Variants in WRAP73 observed in about 807,000 individuals in gnomAD.
WRAP73 encodes the protein WD repeat-containing protein WRAP73.
In WRAP73, 55 loss-of-function variants were observed where a neutral mutation model predicts 59.6. That is an observed-to-expected ratio of 0.92 (90% CI 0.74 to 1.15). The LOEUF is 1.15. WRAP73 is among the 50% of genes most tolerant of loss of function. The pLI is 0.00. For missense variants in WRAP73, 592 were observed against 608.1 expected (o/e 0.97, Z 0.28); for synonymous variants, 265 against 258.2 (o/e 1.03, Z -0.25).
intron 1 of WRAP73, among the ~76,000 whole-genome samples, chr1:3,648,935 A>T (rs931018275): frequency 2.6e-5 from 4 of 152,216 alleles, no homozygotes; most frequent in African/African-American, 9.7e-5. Context: ...GAGGTAAAAA[A>T]CGTAATTTGA....
At position 3,646,132 on chromosome 1, in the gene WRAP73, C is replaced by T. The variant is rs1023384291; in HGVS notation, c.339+534G>A. Among the ~76,000 whole-genome samples, 1 of 152,212 alleles carries T rather than the reference C, an allele frequency of 6.6e-6. No individual in the cohort carries two copies. The highest frequency in any genetic ancestry group is 1.5e-5 in the Non-Finnish European group (1 of 68,030). The stretch of plus-strand genomic sequence containing the variant: ...CAACCCCGCCAATCTACCAGCCACT[C>T]GGGAGCCACCTCAGTCATCAGACCC... On this transcript the variant is annotated intron_variant, in intron 3 of 11. Transcript: ENST00000270708. The surrounding 1 kb of genome is among the most constrained non-coding windows in gnomAD (Gnocchi z 5.1).
chr1:3,646,113 C>T lies in WRAP73; in HGVS notation c.339+553G>A, dbSNP rs573613564. Reference sequence around the variant, plus strand: ...TACGCTCCCCGGCTCCCTCCAACCCCGCCAATCTACCAGCCACTCGGGAGC... The same window carrying T: ...TACGCTCCCCGGCTCCCTCCAACCCTGCCAATCTACCAGCCACTCGGGAGC... On this transcript the variant is annotated intron_variant, in intron 3 of 11. Coordinates refer to ENST00000270708, the MANE Select transcript of WRAP73 (RefSeq NM_017818.4). The surrounding 1 kb of genome is among the most constrained non-coding windows in gnomAD (Gnocchi z 5.1). Among the ~76,000 whole-genome samples the T allele has an allele frequency of 6.6e-6, 1 of 152,352 alleles. No individual in the cohort carries two copies. The highest frequency in any genetic ancestry group is 6.5e-5 in the Admixed American group (1 of 15,312).
intron 4 of WRAP73, 53 bp downstream of exon 4, chr1:3,638,697 A>C (rs901008537): frequency 6.2e-7 from 1 of 1,607,734 alleles, no homozygotes; most frequent in Non-Finnish European, 8.5e-7. Flanking sequence ...CCCGTGACAA[A>C]AAAGTCAAAC....
chr1:3,637,216 A>G, intron 4 of WRAP73, 118 bp from the exon 5 acceptor site: 2 of 864,736 alleles, frequency 2.3e-6, no homozygotes, highest in Non-Finnish European at 3.6e-6. Flanking sequence ...AAGAAGGGAA[A>G]TGGCACAATG....
chr1:3,631,301 A>G lies in WRAP73; in HGVS notation c.1240+165T>C. On this transcript the variant is annotated intron_variant, in intron 11 of 11. Transcript: ENST00000270708. Reference sequence around the variant, plus strand: ...GCTTCTAGCCCATAAAGCTGAGGGCAGCGGGTCCCCTGTGTGTCCGTCTTG... The same window carrying G: ...GCTTCTAGCCCATAAAGCTGAGGGCGGCGGGTCCCCTGTGTGTCCGTCTTG... 3.9e-6 allele frequency: 5 copies of G among 1,296,876 alleles called. No homozygotes were observed. The South Asian group carries it at 7.2e-5, about 19-fold the overall frequency. The allele number at this position is 1,296,876 out of a possible 1,614,324, so 80.3% of individuals were successfully genotyped here. A position where few individuals can be genotyped will look rare whatever the true frequency, so the allele number is the denominator to read the frequency against.
rs750856043 is a variant in WRAP73, at chr1:3,635,985, G to A, written c.562C>T (p.Pro188Ser). 3.1e-6 allele frequency: 5 copies of A among 1,614,054 alleles called. No homozygotes were observed. The highest frequency in any genetic ancestry group is 4.2e-6 in the Non-Finnish European group (5 of 1,180,028). Residue 188 changes from proline (P) to serine (S), a missense_variant, in exon 6 of 12, where the codon CCA (proline) becomes TCA (serine). Physicochemically the swap from Pro to Ser is moderately conservative, Grantham distance 74 (BLOSUM62 -1). Transcript: ENST00000270708. ...CACACTGCCAGCACACAGCCGTTTG[G>A]GGCCCACTCAATCCCTGTGAGATCC... ...TQDLTGIEWAPNGCVLAVWDT... is the reference protein window; with the variant it reads ...TQDLTGIEWASNGCVLAVWDT...
intron 10 of WRAP73, 59 bp downstream of exon 10, chr1:3,632,154 C>T (rs774930770): frequency 1.2e-5 from 19 of 1,550,492 alleles, no homozygotes; most frequent in East Asian, 2.3e-5. Flanking sequence ...GTCGCTTCTA[C>T]ACCTGGGGCC....
chr1:3,631,536 G>A lies in WRAP73; in HGVS notation c.1170C>T (p.Ile390=). The change falls in exon 11 of 12, where the codon ATC becomes ATT. Residue 390 remains isoleucine, a synonymous_variant. Transcript: ENST00000270708. ...GGTAGAGCCTGCTGCCTCCCGTGCAGATGGCCAGCCGCGGCTGCTGCGGGT... is the reference window on the plus strand; with the variant it reads ...GGTAGAGCCTGCTGCCTCCCGTGCAAATGGCCAGCCGCGGCTGCTGCGGGT... ...QWDPQQPRLA[I]CTGGSRLYLW... is the part of the protein sequence containing the mutation. The A allele has an allele frequency of 3.1e-6, 5 of 1,610,982 alleles. No individual in the cohort carries two copies. The highest frequency in any genetic ancestry group is 4.2e-6 in the Non-Finnish European group (5 of 1,179,302).
At chr1:3,633,099 T>C (rs1644554294) in intron 9 of WRAP73, 1 of 365,768 alleles carries the variant, frequency 2.7e-6, no homozygotes, top group Non-Finnish European at 5.1e-6. Flanking sequence ...CACGGAAAAG[T>C]GTTTCTTTGA....
At chr1:3,647,155 CA>C (rs1416730745) in intron 2 of WRAP73, 10 of 473,806 alleles carry the variant, frequency 2.1e-5, no homozygotes, top group Non-Finnish European at 3.3e-5. Flanking sequence ...CTTCCTGAAA[CA>C]CACCACATCC....
In WRAP73 at chr1:3,631,087, T is replaced by C; in HGVS notation, c.1271A>G (p.His424Arg). Reference protein sequence around the residue: ...GDFAVLSLCWHLSGDSMALLS... With the variant: ...GDFAVLSLCWRLSGDSMALLS... ...GAGGGCCATCGAGTCTCCGCTTAAA[T>C]GCCAGCACAGAGAGAGCACTGCAAA... The change falls in exon 12 of 12, where the codon CAT becomes CGT. Residue 424 changes from histidine to arginine, a missense_variant. His to Arg is a conservative substitution (Grantham distance 29). Coordinates refer to ENST00000270708, the MANE Select transcript of WRAP73 (RefSeq NM_017818.4). The C allele has an allele frequency of 6.2e-7, 1 of 1,613,352 alleles. No homozygotes were observed. Among genetic ancestry groups the C allele is most frequent in the Non-Finnish European group, 8.5e-7 (1 of 1,180,024 alleles).
Position 3,638,838 on chromosome 1 carries a change from G to A in WRAP73, c.340-16C>T. ...TTATCCGCAGCTGTTGGGGGAAAGG[G>A]GAAAGAGAAAGGAAACACTTCTTTA... On this transcript the variant is annotated splice_polypyrimidine_tract_variant and intron_variant, in intron 3 of 11. Coordinates refer to ENST00000270708, the MANE Select transcript of WRAP73 (RefSeq NM_017818.4). 1 of 1,613,606 alleles carries A rather than the reference G, an allele frequency of 6.2e-7. No homozygotes were observed. The highest frequency in any genetic ancestry group is 1.1e-5 in the South Asian group (1 of 91,044).
At chr1:3,632,187 A>C (rs1405691275) in intron 10 of WRAP73, 26 bp downstream of exon 10, 23 of 1,602,112 alleles carry the variant, frequency 1.4e-5, no homozygotes, top group Non-Finnish European at 2.0e-5. Flanking sequence ...AAAGGGTGAG[A>C]CAGCACCTGC....
intron 4 of WRAP73, among the ~76,000 whole-genome samples, chr1:3,638,154 C>T (rs1048632699): frequency 2.6e-5 from 4 of 152,228 alleles, no homozygotes; most frequent in African/African-American, 9.6e-5. Context: ...CGCAAAAAGA[C>T]AGTGCGGTGT....
chr1:3,633,169 G>C (rs904384190), intron 9 of WRAP73: 1 of 497,358 alleles, frequency 2.0e-6, no homozygotes, highest in Non-Finnish European at 3.6e-6. Flanking sequence ...TGTCAGATCC[G>C]GGTCTCCAGG....
Position 3,636,999 on chromosome 1 carries a change from A to G in WRAP73, c.512T>C (p.Leu171Pro). ...CCAGTCTGGGGGACGCCTTACCCGC[A>G]GGAGCTGCCAATCACTGCAGACGAA... The part of the protein sequence containing the change: ...SIFVCSDWQL[L>P]RHFDTDTQDL... Residue 171 changes from leucine (L) to proline (P), a missense_variant, in exon 5 of 12, where the codon CTG (leucine) becomes CCG (proline). Leu to Pro is a moderately conservative substitution (Grantham distance 98). Transcript: ENST00000270708. The G allele has an allele frequency of 6.2e-7, 1 of 1,613,630 alleles. No homozygotes were observed. Among genetic ancestry groups the G allele is most frequent in the Non-Finnish European group, 8.5e-7 (1 of 1,179,950 alleles).
chr1:3,636,119 T>C, intron 5 of WRAP73, 89 bp from the exon 6 acceptor site: 1 of 939,668 alleles, frequency 1.1e-6, no homozygotes, highest in South Asian at 1.4e-5. Flanking sequence ...TTAACGCACT[T>C]AATTTCCTTA....
chr1:3,632,565 C>T (rs1007859526), intron 9 of WRAP73: 13 of 612,684 alleles, frequency 2.1e-5, no homozygotes, highest in South Asian at 3.8e-5. Context: ...CTGCCAGGCC[C>T]GACTAGGTGG....
At chr1:3,636,696 C>G (rs1644592134) in intron 5 of WRAP73, 5 of 431,220 alleles carry the variant, frequency 1.2e-5, no homozygotes, top group South Asian at 9.9e-5. Flanking sequence ...CCACGTCCCC[C>G]CAACTCCCGA....
Sources: gnomAD v4.1 joint callset for allele counts (sites outside exome capture counted in the v4.1 genomes callset) on GRCh38, gnomAD v4.1.1 for gene constraint, Gnocchi (gnomAD v3.1) non-coding constraint, MANE v1.5 for transcripts, NCBI Gene and HGNC (gene_info 2026-07-23, HGNC 2026-07-21) for gene names.